The following MEGF11 variants were observed in gnomAD, a reference collection of about 807,000 sequenced individuals.
MEGF11 encodes multiple epidermal growth factor-like domains protein 11.
In MEGF11, 126 loss-of-function variants were observed where a neutral mutation model predicts 146.6. That is an observed-to-expected ratio of 0.86 (90% CI 0.74 to 1.00). The LOEUF is 1.00. Among genes scored for constraint, MEGF11 ranks in the 50% least tolerant of loss-of-function variants. The pLI is 0.00. For missense variants in MEGF11, 1,509 were observed against 1,521.2 expected (o/e 0.99, Z 0.13); for synonymous variants, 532 against 583.4 (o/e 0.91, Z 1.27).
chr15:66,234,395 T>C (rs2092043714), intron 1 of MEGF11, among the ~76,000 whole-genome samples: 1 of 152,246 alleles, frequency 6.6e-6, no homozygotes, highest in African/African-American at 2.4e-5. Context: ...AAAGAGAATG[T>C]CAACTTCAGT....
chr15:65,971,138 A>G (rs954967788), intron 7 of MEGF11: 2 of 164,928 alleles, frequency 1.2e-5, no homozygotes, highest in African/African-American at 4.8e-5. Flanking sequence ...CTGACATGAG[A>G]GTCAAAGGGG....
chr15:66,135,083 T>C (rs963707348), intron 1 of MEGF11, among the ~76,000 whole-genome samples: 12 of 152,182 alleles, frequency 7.9e-5, no homozygotes, highest in African/African-American at 2.7e-4. Context: ...GAAGACCAAC[T>C]TCAAGGGCTG....
intron 5 of MEGF11, among the ~76,000 whole-genome samples, chr15:65,994,036 C>T (rs752708847): frequency 2.0e-5 from 3 of 152,172 alleles, no homozygotes; most frequent in Non-Finnish European, 4.4e-5. Context: ...GGGCCCCGGA[C>T]CTCCCATTTC....
intron 1 of MEGF11, among the ~76,000 whole-genome samples, chr15:66,253,191 G>T (rs1262880071): frequency 6.6e-6 from 1 of 152,148 alleles, no homozygotes; most frequent in East Asian, 1.9e-4. Flanking sequence ...TGCAGCCGGC[G>T]CACCCGGGGC....
chr15:65,930,972 C>CAA (rs2079556557), intron 10 of MEGF11, 29 bp from the exon 11 acceptor site: 1 of 1,544,640 alleles, frequency 6.5e-7, no homozygotes, highest in Non-Finnish European at 8.8e-7. Context: ...AATTTTGGAT[C>CAA]AAAGGTTGCT....
chr15:66,038,616 G>A (rs1342226392), intron 5 of MEGF11, among the ~76,000 whole-genome samples: 1 of 152,162 alleles, frequency 6.6e-6, no homozygotes, highest in African/African-American at 2.4e-5. Context: ...CCATTTTACA[G>A]ATGAAAAAAC....
chr15:66,054,200 G>T (rs192698092), intron 5 of MEGF11, among the ~76,000 whole-genome samples: 2 of 152,142 alleles, frequency 1.3e-5, no homozygotes, highest in Non-Finnish European at 2.9e-5. Flanking sequence ...GCCTGGTTGC[G>T]TTGATGCAGC....
intron 4 of MEGF11, among the ~76,000 whole-genome samples, chr15:66,102,618 C>T (rs1659503478): frequency 6.6e-6 from 1 of 151,710 alleles, no homozygotes; most frequent in African/African-American, 2.4e-5. Context: ...TTTGTAGAAA[C>T]AGGGTCTTTC....
At position 65,898,894 on chromosome 15, in the gene MEGF11, G is replaced by A; in HGVS notation, c.3096C>T (p.Ser1032=). Residue 1032 remains serine, a synonymous_variant, in exon 25 of 26, where the codon TCC becomes TCT. Transcript: ENST00000395614. Reference sequence around the variant, plus strand: ...CGTAAGGGTTTTCACTGCTATTCAAGGAACAAGTACTAGAACTGCACACGG... The same window carrying A: ...CGTAAGGGTTTTCACTGCTATTCAAAGAACAAGTACTAGAACTGCACACGG... ...KESVCSSSTC[S]LNSSENPYAT... is the part of the protein sequence containing the mutation. The A allele has an allele frequency of 6.2e-7, 1 of 1,613,952 alleles. No individual in the cohort carries two copies. The highest frequency in any genetic ancestry group is 8.5e-7 in the Non-Finnish European group (1 of 1,179,850).
intron 1 of MEGF11, among the ~76,000 whole-genome samples, chr15:66,253,381 C>A (rs968256681): frequency 6.6e-6 from 1 of 152,212 alleles, no homozygotes; most frequent in Non-Finnish European, 1.5e-5. Flanking sequence ...CCTGCCGGAC[C>A]CCCTGGCGCT....
chr15:66,113,836 G>A (rs964684990), intron 4 of MEGF11, among the ~76,000 whole-genome samples: 1 of 151,724 alleles, frequency 6.6e-6, no homozygotes, highest in East Asian at 1.9e-4. Context: ...AGCCGAGATT[G>A]CACCACTGCA....
At chr15:66,001,894 G>C (rs924887520) in intron 5 of MEGF11, among the ~76,000 whole-genome samples, 1 of 152,112 alleles carries the variant, frequency 6.6e-6, no homozygotes, top group African/African-American at 2.4e-5. Flanking sequence ...ATAAACTCAG[G>C]TGCACAATCA....
chr15:66,174,085 A>C (rs2090331771), intron 1 of MEGF11, among the ~76,000 whole-genome samples: 3 of 152,208 alleles, frequency 2.0e-5, no homozygotes, highest in African/African-American at 7.2e-5. Context: ...CACACTTGAC[A>C]CTTCATTCTG....
In MEGF11 at chr15:66,119,120, G is replaced by A; in HGVS notation, c.267C>T (p.Cys89=). Residue 89 remains cysteine, a synonymous_variant, in exon 4 of 26, where the codon TGC becomes TGT. Coordinates refer to ENST00000395614, the MANE Select transcript of MEGF11 (RefSeq NM_001385028.1). ...AGTCTCCGCTCTCATAGTAGCCAGG[G>A]CAGCACTGGGACCTCCGCCGGTACA... ...RTMYRRRSQC[C]PGYYESGDFC... 6.4e-7 allele frequency: 1 copy of A among 1,551,502 alleles called. No homozygotes were observed. Among genetic ancestry groups the A allele is most frequent in the Non-Finnish European group, 8.7e-7 (1 of 1,146,984 alleles).
At position 65,980,788 on chromosome 15, in the gene MEGF11, G is replaced by C. The variant is rs779551280; in HGVS notation, c.752C>G (p.Pro251Arg). 1 of 1,603,868 alleles carries C rather than the reference G, an allele frequency of 6.2e-7. No individual in the cohort carries two copies. The highest frequency in any genetic ancestry group is 8.5e-7 in the Non-Finnish European group (1 of 1,175,458). Residue 251 changes from proline to arginine, a missense_variant, in exon 7 of 26, where the codon CCA (proline) becomes CGA (arginine). Coordinates refer to ENST00000395614, the MANE Select transcript of MEGF11 (RefSeq NM_001385028.1). ...HHITGECACP[P>R]GWTGAVCAQP... ...TTTGGGCCCACTTACCGTCCAGCCT[G>C]GGGGGCAGGCACACTCGCCAGTGAT...
At chr15:66,189,986 A>T (rs879038412) in intron 1 of MEGF11, among the ~76,000 whole-genome samples, 2 of 152,116 alleles carry the variant, frequency 1.3e-5, no homozygotes, top group Non-Finnish European at 2.9e-5. Flanking sequence ...GTCTCCAAAA[A>T]ATAAATTGTA....
chr15:65,965,339 C>T, intron 8 of MEGF11: 1 of 474,504 alleles, frequency 2.1e-6, no homozygotes, highest in South Asian at 4.5e-5. Context: ...CGGCTCAGTC[C>T]CCCCAGCAAT....
intron 5 of MEGF11, among the ~76,000 whole-genome samples, chr15:66,088,135 G>A (rs184680031): frequency 6.6e-6 from 1 of 152,248 alleles, no homozygotes; most frequent in East Asian, 1.9e-4. Context: ...GGAAGAATTA[G>A]ATACCCTGAA....
rs796714117 is a variant in MEGF11 at position 65,948,314 on chromosome 15, G to GT, written c.1287+9232dup. On this transcript the variant is annotated intron_variant, in intron 10 of 25. Transcript: ENST00000395614. ...AAGTTCACTTTCCCTTTCTGACCTT[G>GT]TTTTTTTTTTGCTGTGCACTGTGGA... is the stretch of plus-strand genomic sequence containing the variant. Among the ~76,000 whole-genome samples, 266 of 148,784 alleles carry GT rather than the reference G, an allele frequency of 1.8e-3. 1 individual carries two copies. Among genetic ancestry groups the GT allele is most frequent in the African/African-American group, 3.9e-3 (160 of 40,608 alleles).
Sources: gnomAD v4.1 joint callset for allele counts (sites outside exome capture counted in the v4.1 genomes callset) on GRCh38, gnomAD v4.1.1 for gene constraint, MANE v1.5 for transcripts, NCBI Gene and HGNC (gene_info 2026-07-23, HGNC 2026-07-21) for gene names.